SRPK2: variants seen among roughly 807,000 people sequenced by gnomAD.
The protein encoded by SRPK2 is SFRS protein kinase 2.
SRPK2 carries 21 observed loss-of-function variants against 90.8 expected under a neutral mutation model. That is an observed-to-expected ratio of 0.23 (90% confidence interval 0.16 to 0.33). The LOEUF (loss-of-function observed/expected upper bound fraction) is 0.33, where lower values mean the gene tolerates loss of function less well. Among genes scored for constraint, SRPK2 ranks in the 10% least tolerant of loss-of-function variants. The pLI, the probability that SRPK2 is intolerant of heterozygous loss-of-function variation, is 1.00. For missense variants in SRPK2, 620 were observed against 869.0 expected, an observed-to-expected ratio of 0.71 and a Z score of 3.60; for synonymous variants, 288 against 311.1, an observed-to-expected ratio of 0.93 and a Z score of 0.78.
intron 7 of SRPK2, among the ~76,000 whole-genome samples, chr7:105,156,023 C>T (rs1040702699): frequency 3.9e-5 from 6 of 152,130 alleles, no homozygotes; most frequent in Admixed American, 1.3e-4. Context: ...TGAGGGACAT[C>T]ACTTTTTGTC....
chr7:105,278,358 C>T (rs755792802), intron 2 of SRPK2, among the ~76,000 whole-genome samples: 3 of 146,048 alleles, frequency 2.1e-5, no homozygotes, highest in Non-Finnish European at 4.5e-5. Flanking sequence ...TTAGAGAATA[C>T]ATAACAAAGC....
In SRPK2 at chr7:105,240,374, G is replaced by C. The variant is rs575699944; in HGVS notation, c.72-36589C>G. ...TTTAGGGGAACATATTCAGACCATAGCATGGTCAAAAGTAAAACTTATTTT... is the reference window on the plus strand; with the variant it reads ...TTTAGGGGAACATATTCAGACCATACCATGGTCAAAAGTAAAACTTATTTT... On this transcript the variant is annotated intron_variant, in intron 2 of 15. Transcript: ENST00000393651. Among the ~76,000 whole-genome samples, 8 of 152,292 alleles carry C rather than the reference G, an allele frequency of 5.3e-5. No homozygotes were observed. In the South Asian group the frequency reaches 1.0e-3, roughly 20 times the overall value.
intron 2 of SRPK2, among the ~76,000 whole-genome samples, chr7:105,324,399 T>C (rs1380452926): frequency 1.3e-5 from 2 of 152,130 alleles, no homozygotes; most frequent in Admixed American, 1.3e-4. Context: ...CTCAGCTCAC[T>C]GCAACCTCTG....
Position 105,373,687 on chromosome 7 carries a change from G to A in SRPK2, c.71+14961C>T, listed in dbSNP as rs563671784. On this transcript the variant is annotated intron_variant, in intron 2 of 15. Coordinates refer to ENST00000393651, the MANE Select transcript of SRPK2 (RefSeq NM_182692.3). ...CAAAGTGCTGGGATTACAGATGTGG[G>A]CCACCGCGCCTGGCTCACAAAAGAC... is the stretch of plus-strand genomic sequence containing the variant. Among the ~76,000 whole-genome samples, 16 of 152,106 alleles carry A rather than the reference G, an allele frequency of 1.1e-4. No individual in the cohort carries two copies. The South Asian group carries it at 3.3e-3, about 32-fold the overall frequency.
Position 105,388,908 on chromosome 7 carries a change from C to A in SRPK2, c.-102G>T. 1 of 1,224,526 alleles carries A rather than the reference C, an allele frequency of 8.2e-7. No homozygotes were observed. Among genetic ancestry groups the A allele is most frequent in the Non-Finnish European group, 1.0e-6 (1 of 985,888 alleles). 75.9% of individuals were successfully genotyped at this position (1,224,526 alleles called of 1,614,324 possible). A position where few individuals can be genotyped will look rare whatever the true frequency, so the allele number is the denominator to read the frequency against. On this transcript the variant is annotated 5_prime_UTR_variant, in exon 1 of 16. Transcript: ENST00000393651. ...ACTCGCTCCGCCGGCCGGGAGGAGA[C>A]GAGAACCGCGCCTGCGCCGCCGCCG...
At chr7:105,148,085 T>C (rs949404220) in intron 7 of SRPK2, among the ~76,000 whole-genome samples, 3 of 152,242 alleles carry the variant, frequency 2.0e-5, no homozygotes, top group Non-Finnish European at 4.4e-5. Flanking sequence ...ACTGCCAAAG[T>C]GTCTTCCACA....
chr7:105,341,733 T>A (rs1815815915), intron 2 of SRPK2, among the ~76,000 whole-genome samples: 1 of 151,868 alleles, frequency 6.6e-6, no homozygotes, highest in South Asian at 2.1e-4. Context: ...TTTGGGAGGC[T>A]GAGGTGGGTG....
intron 8 of SRPK2, among the ~76,000 whole-genome samples, chr7:105,145,583 A>G (rs1368135924): frequency 1.3e-5 from 2 of 152,256 alleles, no homozygotes; most frequent in Non-Finnish European, 2.9e-5. Flanking sequence ...AAACACAGTC[A>G]AGCTCAAGCA....
chr7:105,293,426 G>A (rs1809334375), intron 2 of SRPK2, among the ~76,000 whole-genome samples: 1 of 149,682 alleles, frequency 6.7e-6, no homozygotes, highest in Non-Finnish European at 1.5e-5. Context: ...TCAGTATTAG[G>A]TAGATACAAA....
chr7:105,243,466 G>GT (rs1411058327), intron 2 of SRPK2, among the ~76,000 whole-genome samples: 1 of 152,090 alleles, frequency 6.6e-6, no homozygotes, highest in Non-Finnish European at 1.5e-5. Context: ...GAGGTCAGGA[G>GT]TTCAAGACTA....
intron 2 of SRPK2, chr7:105,297,672 C>T (rs1456907980): frequency 6.2e-6 from 1 of 161,686 alleles, no homozygotes; most frequent in African/African-American, 2.4e-5. Context: ...AAAGCTTTAA[C>T]AATTAACAAA....
chr7:105,283,238 A>T (rs995802129), intron 2 of SRPK2, among the ~76,000 whole-genome samples: 1 of 152,232 alleles, frequency 6.6e-6, no homozygotes, highest in African/African-American at 2.4e-5. Flanking sequence ...GGCAATTCTT[A>T]CAAGAGTTAC....
chr7:105,320,567 TA>T (rs1335453949), intron 2 of SRPK2, among the ~76,000 whole-genome samples: 1 of 152,136 alleles, frequency 6.6e-6, no homozygotes, highest in Non-Finnish European at 1.5e-5. Flanking sequence ...AGGCGACCCA[TA>T]AAAATAAAAA....
At chr7:105,177,866 CA>C (rs546148664) in intron 3 of SRPK2, among the ~76,000 whole-genome samples, 1 of 150,542 alleles carries the variant, frequency 6.6e-6, no homozygotes, top group East Asian at 1.9e-4. Flanking sequence ...ACTAAAAATA[CA>C]AAAAAAAATT....
intron 2 of SRPK2, among the ~76,000 whole-genome samples, chr7:105,247,368 G>A (rs1053729752): frequency 1.7e-4 from 26 of 152,196 alleles, no homozygotes; most frequent in African/African-American, 6.0e-4. Context: ...AACTGAAAGC[G>A]TGCTTGAAGT....
intron 2 of SRPK2, among the ~76,000 whole-genome samples, chr7:105,265,315 GTT>G (rs1804896167): frequency 1.3e-5 from 2 of 152,104 alleles, no homozygotes; most frequent in African/African-American, 4.8e-5. Flanking sequence ...TTTACAGAGT[GTT>G]TTCATTGTAT....
chr7:105,352,029 C>T (rs937110292), intron 2 of SRPK2, among the ~76,000 whole-genome samples: 7 of 151,514 alleles, frequency 4.6e-5, no homozygotes, highest in African/African-American at 1.5e-4. Context: ...TTTGATGATC[C>T]TATTTTCCTA....
At chr7:105,124,647 A>G (rs1800895680) in intron 15 of SRPK2, among the ~76,000 whole-genome samples, 1 of 150,338 alleles carries the variant, frequency 6.7e-6, no homozygotes, top group African/African-American at 2.4e-5. Flanking sequence ...ATCTAAAAAA[A>G]AAAAAAAAAA....
intron 2 of SRPK2, among the ~76,000 whole-genome samples, chr7:105,377,992 C>G (rs536808160): frequency 6.6e-6 from 1 of 152,260 alleles, no homozygotes; most frequent in Admixed American, 6.5e-5. Context: ...CTAAAGGAAT[C>G]TTTCTAAAAA....
Sources: gnomAD v4.1 joint callset for allele counts (sites outside exome capture counted in the v4.1 genomes callset) on GRCh38, gnomAD v4.1.1 for gene constraint, MANE v1.5 for transcripts, NCBI Gene and HGNC (gene_info 2026-07-23, HGNC 2026-07-21) for gene names.